The following NF1 variants were observed in gnomAD, a reference collection of about 807,000 sequenced individuals.
NF1 encodes the protein neurofibromin.
A neutral mutation model predicts 325.7 loss-of-function variants in NF1; 122 were observed. The observed-to-expected ratio is 0.37, with a 90% CI of 0.32 to 0.44. The LOEUF (loss-of-function observed/expected upper bound fraction) is 0.44, where lower values mean the gene tolerates loss of function less well. Among genes scored for constraint, NF1 ranks in the 20% least tolerant of loss-of-function variants. The pLI, the probability that NF1 is intolerant of heterozygous loss-of-function variation, is 1.00. For missense variants in NF1, 2,140 were observed against 3,415.4 expected, an observed-to-expected ratio of 0.63 and a Z score of 9.31; for synonymous variants, 1,091 against 1,186.0, an observed-to-expected ratio of 0.92 and a Z score of 1.65.
intron 1 of NF1, among the ~76,000 whole-genome samples, chr17:31,147,369 A>C (rs549525729): frequency 6.6e-6 from 1 of 152,382 alleles, no homozygotes; most frequent in Admixed American, 6.5e-5. Flanking sequence ...TTGTGAAATT[A>C]AGCTCACAAT....
intron 36 of NF1, among the ~76,000 whole-genome samples, chr17:31,299,058 G>T (rs2068521920): frequency 6.6e-6 from 1 of 152,030 alleles, no homozygotes; most frequent in South Asian, 2.1e-4. Context: ...CAGTGCAATA[G>T]TAGTGGCAAT....
intron 29 of NF1, among the ~76,000 whole-genome samples, chr17:31,247,243 G>A (rs1270896545): frequency 1.3e-5 from 2 of 150,582 alleles, no homozygotes; most frequent in African/African-American, 4.9e-5. Flanking sequence ...GAATAATGAA[G>A]TAGAGCAGGA....
At chr17:31,346,967 G>C (rs553784262) in intron 48 of NF1, among the ~76,000 whole-genome samples, 1 of 151,276 alleles carries the variant, frequency 6.6e-6, no homozygotes, top group South Asian at 2.1e-4. Flanking sequence ...CTATGAAGAG[G>C]ATCTTATTAA....
chr17:31,254,541 T>C (rs1261738869), intron 31 of NF1, among the ~76,000 whole-genome samples: 1 of 152,164 alleles, frequency 6.6e-6, no homozygotes, highest in African/African-American at 2.4e-5. Flanking sequence ...TTTAACATAA[T>C]GTACACCATC....
At chr17:31,209,789 G>T (rs2066693052) in intron 12 of NF1, among the ~76,000 whole-genome samples, 1 of 152,022 alleles carries the variant, frequency 6.6e-6, no homozygotes, top group African/African-American at 2.4e-5. Context: ...ACTAGCTGGG[G>T]TTACAGGTGC....
chr17:31,247,392 G>C (rs1376615895), intron 29 of NF1, among the ~76,000 whole-genome samples: 1 of 152,096 alleles, frequency 6.6e-6, no homozygotes, highest in African/African-American at 2.4e-5. Context: ...AGATACCAGT[G>C]GGGAGGGGAC....
chr17:31,304,538 G>T, intron 36 of NF1: 2 of 1,614,184 alleles, frequency 1.2e-6, no homozygotes, highest in South Asian at 1.1e-5. Flanking sequence ...GTCATTGTGG[G>T]TTTGTCAGAT....
chr17:31,186,611 C>CT (rs2066244442), intron 8 of NF1, among the ~76,000 whole-genome samples: 1 of 152,210 alleles, frequency 6.6e-6, no homozygotes, highest in African/African-American at 2.4e-5. Context: ...ATAGACCTCT[C>CT]TGAGTGGTTA....
At chr17:31,229,779 G>A (rs1260559467) in intron 21 of NF1, 56 bp from the exon 22 acceptor site, 2 of 1,601,156 alleles carry the variant, frequency 1.2e-6, no homozygotes, top group African/African-American at 2.7e-5. Context: ...TCTCTCTAGG[G>A]GGTCTGTCTT....
intron 29 of NF1, among the ~76,000 whole-genome samples, chr17:31,239,849 G>A (rs933696358): frequency 9.9e-5 from 15 of 152,006 alleles, no homozygotes; most frequent in Admixed American, 6.6e-4. Context: ...TGCAACCTCC[G>A]CCTCCCATGT....
At chr17:31,224,756 T>TG (rs1464040772) in intron 16 of NF1, among the ~76,000 whole-genome samples, 1 of 152,154 alleles carries the variant, frequency 6.6e-6, no homozygotes, top group African/African-American at 2.4e-5. Flanking sequence ...TAAAATCTTA[T>TG]GGAAAAAAAA....
intron 36 of NF1, chr17:31,296,037 G>A (rs763345932): frequency 8.1e-6 from 13 of 1,614,048 alleles, no homozygotes; most frequent in African/African-American, 1.3e-5. Context: ...CACAGAGACC[G>A]AGGTAAGTGA....
intron 5 of NF1, among the ~76,000 whole-genome samples, chr17:31,179,104 C>A (rs924468216): frequency 6.6e-6 from 1 of 152,160 alleles, no homozygotes; most frequent in African/African-American, 2.4e-5. Flanking sequence ...AAATTGACCA[C>A]ATAATTGGAA....
At chr17:31,133,208 C>A in intron 1 of NF1, 1 of 152,254 alleles carries the variant, frequency 6.6e-6, no homozygotes. Context: ...ATTTGACTAC[C>A]CTGGATACCT....
Position 31,338,895 on chromosome 17 carries a change from T to C in NF1, c.6921+90T>C. The C allele has an allele frequency of 3.4e-6, 3 of 888,784 alleles. No homozygotes were observed. In the South Asian group the frequency reaches 4.2e-5, roughly 12 times the overall value. The allele number at this position is 888,784 out of a possible 1,614,324, so 55.1% of individuals were successfully genotyped here. On this transcript the variant is annotated intron_variant, in intron 46 of 57. Coordinates refer to ENST00000358273, the MANE Select transcript of NF1 (RefSeq NM_001042492.3). The stretch of plus-strand genomic sequence containing the variant: ...CAAAGAGTTTAGAAAATAAGATGAA[T>C]TGAGAATAAGTTATAAAGAAAAAAC...
chr17:31,216,715 T>C (rs567593492), intron 13 of NF1, among the ~76,000 whole-genome samples: 1 of 152,200 alleles, frequency 6.6e-6, no homozygotes, highest in East Asian at 1.9e-4. Flanking sequence ...AAACTCCAAA[T>C]AGATCTACAG....
chr17:31,180,209 T>C (rs2066101791), intron 5 of NF1, among the ~76,000 whole-genome samples: 1 of 152,096 alleles, frequency 6.6e-6, no homozygotes, highest in African/African-American at 2.4e-5. Context: ...TTTCAAACAA[T>C]AGAAAAAGAG....
intron 39 of NF1, among the ~76,000 whole-genome samples, chr17:31,333,199 C>T (rs1169474333): frequency 6.6e-6 from 1 of 152,010 alleles, no homozygotes; most frequent in Non-Finnish European, 1.5e-5. Flanking sequence ...TGAGTAGAGG[C>T]AATTTTTCTA....
chr17:31,173,777 T>C (rs2065972477), intron 5 of NF1, among the ~76,000 whole-genome samples: 1 of 152,212 alleles, frequency 6.6e-6, no homozygotes. Context: ...TTAGATCTTC[T>C]GAGTTTGAGG....
Sources: allele counts gnomAD v4.1 joint callset (sites outside exome capture counted in the v4.1 genomes callset), GRCh38; gene constraint gnomAD v4.1.1; transcripts MANE v1.5; gene names NCBI Gene and HGNC (gene_info 2026-07-23, HGNC 2026-07-21).